GABRG3: variants seen among roughly 807,000 people sequenced by gnomAD.
The protein encoded by GABRG3 is gamma-aminobutyric acid receptor subunit gamma-3.
A neutral mutation model predicts 48.8 loss-of-function variants in GABRG3; 25 were observed. That is an observed-to-expected ratio of 0.51 (90% CI 0.37 to 0.72). GABRG3 has a LOEUF of 0.72. GABRG3 is among the 30% of genes least tolerant of loss of function. GABRG3 has a pLI of 0.00. For synonymous variants in GABRG3, 227 were observed against 217.6 expected, an observed-to-expected ratio of 1.04 and a Z score of -0.38; for missense variants, 394 against 577.9, an observed-to-expected ratio of 0.68 and a Z score of 3.26.
chr15:27,168,527 TGTCAACATAATGAACTATCAATCCAGA>T (rs1405577511), intron 3 of GABRG3, among the ~76,000 whole-genome samples: 1 of 152,176 alleles, frequency 6.6e-6, no homozygotes, highest in Non-Finnish European at 1.5e-5. Context: ...CCATAAAGCC[TGTCAACATAATGAACTATCAATCCAGA>T]GTCAGCCCAT....
chr15:27,476,504 A>G (rs1889944635), intron 5 of GABRG3, among the ~76,000 whole-genome samples: 1 of 152,174 alleles, frequency 6.6e-6, no homozygotes, highest in South Asian at 2.1e-4. Context: ...TAGAAATTCT[A>G]GAGTTGAAAA....
chr15:27,500,793 A>C (rs549054486), intron 6 of GABRG3, among the ~76,000 whole-genome samples: 264 of 151,958 alleles, frequency 1.7e-3, no homozygotes, highest in African/African-American at 5.2e-3. Context: ...CATATCACTA[A>C]GTTTCTAATA....
At chr15:27,528,098 T>C (rs1023239003) in intron 9 of GABRG3, 106 bp downstream of exon 9, 47 of 825,034 alleles carry the variant, frequency 5.7e-5, no homozygotes, top group Non-Finnish European at 1.8e-5. Context: ...TGAAGACCAA[T>C]GAGTGATGCA....
At chr15:27,157,235 A>G (rs1384689970) in intron 3 of GABRG3, among the ~76,000 whole-genome samples, 1 of 152,246 alleles carries the variant, frequency 6.6e-6, no homozygotes, top group East Asian at 1.9e-4. Flanking sequence ...TTTAAAAATT[A>G]TAGTTTGCAA....
At chr15:27,298,500 A>G (rs1378456041) in intron 3 of GABRG3, among the ~76,000 whole-genome samples, 1 of 152,132 alleles carries the variant, frequency 6.6e-6, no homozygotes, top group Non-Finnish European at 1.5e-5. Context: ...TCAATTATGT[A>G]TTCGTTGGGT....
At chr15:27,461,846 G>A (rs959483684) in intron 5 of GABRG3, among the ~76,000 whole-genome samples, 1 of 152,194 alleles carries the variant, frequency 6.6e-6, no homozygotes, top group Non-Finnish European at 1.5e-5. Flanking sequence ...CAAAAACAGT[G>A]TAGAGAGACT....
rs1395557321 is a variant in GABRG3 at position 26,974,072 on chromosome 15, G to C, written c.53+2484G>C. ...GGTGGTCTGGCACTAGCAATGTGAG[G>C]CTTCTATTTCATTTTCAGGATTTGA... is the stretch of plus-strand genomic sequence containing the variant. On this transcript the variant is annotated intron_variant, in intron 1 of 9. Transcript: ENST00000615808. The surrounding 1 kb of genome is among the most constrained non-coding windows in gnomAD (Gnocchi z 4.3). Among the ~76,000 whole-genome samples the C allele has an allele frequency of 6.6e-6, 1 of 152,144 alleles. No homozygotes were observed. Among genetic ancestry groups the C allele is most frequent in the Admixed American group, 6.5e-5 (1 of 15,270 alleles).
At position 27,144,146 on chromosome 15, in the gene GABRG3, A is replaced by G. The variant is rs185061414; in HGVS notation, c.270+117325A>G. On this transcript the variant is annotated intron_variant, in intron 3 of 9. Coordinates refer to ENST00000615808, the MANE Select transcript of GABRG3 (RefSeq NM_033223.5). The stretch of plus-strand genomic sequence containing the variant: ...CAAATCATCCTTTCAAAAATATGCA[A>G]TTAACTAAAGGCTTGCAATAATCTA... Among the ~76,000 whole-genome samples, 19 of 152,330 alleles carry G rather than the reference A, an allele frequency of 1.2e-4. 1 individual carries two copies. In the East Asian group the frequency reaches 3.1e-3, roughly 25 times the overall value.
chr15:27,520,440 A>G (rs4778150), intron 7 of GABRG3, among the ~76,000 whole-genome samples: 94,975 of 150,256 alleles, frequency 0.63, 31,455 homozygotes, highest in African/African-American at 0.84. Flanking sequence ...AAAAGTCCCC[A>G]TACGTTAATG....
chr15:27,308,683 G>A (rs35537463), intron 3 of GABRG3, among the ~76,000 whole-genome samples: 10,385 of 148,198 alleles, frequency 0.07, 1,148 homozygotes, highest in African/African-American at 0.24. Context: ...ATACGCTTAT[G>A]TATAAACATA....
In GABRG3 at chr15:27,485,308, A is replaced by C. The variant is rs1890194984; in HGVS notation, c.712+4521A>C. On this transcript the variant is annotated intron_variant, in intron 6 of 9. Coordinates refer to ENST00000615808, the MANE Select transcript of GABRG3 (RefSeq NM_033223.5). ...AAGCCATTATCTCAGAGAGAAAGGAAGGAAAGGCAAATGGACTCTATACTC... is the reference window on the plus strand; with the variant it reads ...AAGCCATTATCTCAGAGAGAAAGGACGGAAAGGCAAATGGACTCTATACTC... 1.3e-5 allele frequency among the ~76,000 whole-genome samples: 2 copies of C among 152,226 alleles called. 1 individual carries two copies. The highest frequency in any genetic ancestry group is 4.1e-4 in the South Asian group (2 of 4,832).
At chr15:27,456,474 C>T (rs1889281740) in intron 5 of GABRG3, among the ~76,000 whole-genome samples, 1 of 152,134 alleles carries the variant, frequency 6.6e-6, no homozygotes, top group African/African-American at 2.4e-5. Context: ...GGCACTGGGC[C>T]CCCCCGGGAA....
In GABRG3 at chr15:27,527,623, A is replaced by G. The variant is rs1891312214; in HGVS notation, c.1056A>G (p.Thr352=). The G allele has an allele frequency of 6.2e-7, 1 of 1,603,906 alleles. No individual in the cohort carries two copies. The highest frequency in any genetic ancestry group is 8.5e-7 in the Non-Finnish European group (1 of 1,175,714). The change falls in exon 8 of 10, where the codon ACA becomes ACG. Residue 352 remains threonine (T), a synonymous_variant. Coordinates refer to ENST00000615808, the MANE Select transcript of GABRG3 (RefSeq NM_033223.5). ...SCRKPTTTKK[T]TSLLHPDSSR... The stretch of plus-strand genomic sequence containing the variant: ...GAAAACCAACCACCACGAAGAAGAC[A>G]ACATCGGTGAGCTGCAGTAGCAAAG...
In GABRG3 at chr15:27,180,675, G is replaced by A. The variant is rs371394293; in HGVS notation, c.271-146134G>A. Among the ~76,000 whole-genome samples the A allele has an allele frequency of 2.8e-4, 43 of 152,028 alleles. 2 individuals carry two copies. The Middle Eastern group carries it at 0.01, about 36-fold the overall frequency. On this transcript the variant is annotated intron_variant, in intron 3 of 9. Transcript: ENST00000615808. This position sits in a 1 kb window ranked among gnomAD's most constrained non-coding sequence, Gnocchi z 4.2. ...TGTGTGTTTGTGTGTGCACGCGCGCGCACCCCAGGTCAGTTCTAGCAATAA... is the reference window on the plus strand; with the variant it reads ...TGTGTGTTTGTGTGTGCACGCGCGCACACCCCAGGTCAGTTCTAGCAATAA...
intron 5 of GABRG3, among the ~76,000 whole-genome samples, chr15:27,439,256 G>A (rs1412473384): frequency 6.6e-6 from 1 of 152,152 alleles, no homozygotes; most frequent in African/African-American, 2.4e-5. Flanking sequence ...CTTCTCAACA[G>A]CATGAGAGGA....
intron 3 of GABRG3, among the ~76,000 whole-genome samples, chr15:27,099,595 T>C (rs1388487251): frequency 6.6e-6 from 1 of 152,206 alleles, no homozygotes; most frequent in Non-Finnish European, 1.5e-5. Flanking sequence ...CCTAGGACTT[T>C]AACATTCGAA....
At chr15:27,151,920 G>A (rs1898323482) in intron 3 of GABRG3, among the ~76,000 whole-genome samples, 1 of 152,154 alleles carries the variant, frequency 6.6e-6, no homozygotes, top group East Asian at 1.9e-4. Context: ...TGTTGGATAT[G>A]TGGTTTGCAA....
intron 5 of GABRG3, among the ~76,000 whole-genome samples, chr15:27,472,365 T>C (rs1889812389): frequency 6.6e-6 from 1 of 152,146 alleles, no homozygotes; most frequent in African/African-American, 2.4e-5. Flanking sequence ...AACCTCTGCC[T>C]CCCGGGTTCA....
intron 5 of GABRG3, among the ~76,000 whole-genome samples, chr15:27,432,056 C>G (rs968947527): frequency 1.3e-5 from 2 of 152,052 alleles, no homozygotes; most frequent in African/African-American, 4.8e-5. Context: ...ATTTTATGGC[C>G]TAGTCTATGG....
Sources: allele counts gnomAD v4.1 joint callset (sites outside exome capture counted in the v4.1 genomes callset), GRCh38; gene constraint gnomAD v4.1.1; non-coding constraint Gnocchi (gnomAD v3.1); transcripts MANE v1.5; gene names NCBI Gene and HGNC (gene_info 2026-07-23, HGNC 2026-07-21).